The following ANK2 variants were observed in gnomAD, a reference collection of about 807,000 sequenced individuals.
ANK2 encodes ankyrin 2.
ANK2 carries 83 observed loss-of-function variants against 360.5 expected under a neutral mutation model. The ratio of observed to expected loss-of-function variants is 0.23; its 90% CI spans 0.19 to 0.28. The LOEUF (loss-of-function observed/expected upper bound fraction) is 0.28. ANK2 is among the 10% of genes least tolerant of loss of function. ANK2 has a pLI of 1.00. For synonymous variants in ANK2, 1,740 were observed against 1,759.5 expected, an observed-to-expected ratio of 0.99 and a Z score of 0.28; for missense variants, 4,201 against 4,795.7, an observed-to-expected ratio of 0.88 and a Z score of 3.66.
At chr4:113,042,188 T>C (rs1336516281) in intron 2 of ANK2, among the ~76,000 whole-genome samples, 5 of 152,152 alleles carry the variant, frequency 3.3e-5, no homozygotes, top group Non-Finnish European at 7.4e-5. Flanking sequence ...CTCTGCCTTC[T>C]TCAGTTGGCA....
chr4:113,266,438 T>A (rs548345940), intron 14 of ANK2, among the ~76,000 whole-genome samples: 2 of 152,228 alleles, frequency 1.3e-5, no homozygotes, highest in Non-Finnish European at 2.9e-5. Flanking sequence ...GTCTTTATAG[T>A]AGAATGGCTT....
At position 113,355,536 on chromosome 4, in the gene ANK2, T is replaced by C; in HGVS notation, c.6918T>C (p.Ser2306=). The C allele has an allele frequency of 1.2e-6, 2 of 1,613,518 alleles. No homozygotes were observed. The highest frequency in any genetic ancestry group is 1.7e-6 in the Non-Finnish European group (2 of 1,179,852). The stretch of plus-strand genomic sequence containing the variant: ...AGGACTCAGAGACCTCTACTGAGAG[T>C]TTTCAGAAAGAGGCCACTCTAGGCT... ...VTEDSETSTE[S]FQKEATLGSP... The change falls in exon 38 of 46, where the codon AGT becomes AGC. Residue 2306 remains serine (S), a synonymous_variant. Coordinates refer to ENST00000357077, the MANE Select transcript of ANK2 (RefSeq NM_001148.6).
At chr4:113,250,635 A>T (rs1385391204) in intron 10 of ANK2, among the ~76,000 whole-genome samples, 7 of 152,074 alleles carry the variant, frequency 4.6e-5, no homozygotes, top group Non-Finnish European at 4.4e-5. Flanking sequence ...CGAATTGGAG[A>T]TACTCATACA....
chr4:113,177,972 C>T (rs753809171), intron 2 of ANK2, among the ~76,000 whole-genome samples: 9 of 152,184 alleles, frequency 5.9e-5, no homozygotes, highest in Non-Finnish European at 1.0e-4. Context: ...TTCTAAGGTA[C>T]ATGTGTTCTA....
intron 1 of ANK2, among the ~76,000 whole-genome samples, chr4:113,086,611 G>A (rs923366974): frequency 3.3e-5 from 5 of 152,136 alleles, no homozygotes; most frequent in African/African-American, 1.2e-4. Flanking sequence ...GGTAGATAAT[G>A]TCAAGTGGCA....
chr4:113,204,385 T>TA (rs2098913010), intron 4 of ANK2, among the ~76,000 whole-genome samples: 1 of 152,178 alleles, frequency 6.6e-6, no homozygotes, highest in Non-Finnish European at 1.5e-5. Flanking sequence ...ATGACTTTTT[T>TA]ATAGAAGAAG....
chr4:113,186,090 C>T (rs984542835), intron 2 of ANK2, among the ~76,000 whole-genome samples: 2 of 152,176 alleles, frequency 1.3e-5, no homozygotes, highest in Non-Finnish European at 2.9e-5. Flanking sequence ...TCCCTGACTC[C>T]CATGCCTCTT....
Position 113,369,533 on chromosome 4 carries a change from G to A in ANK2, c.11338G>A (p.Glu3780Lys). 1 of 1,614,034 alleles carries A rather than the reference G, an allele frequency of 6.2e-7. No individual in the cohort carries two copies. Among genetic ancestry groups the A allele is most frequent in the Non-Finnish European group, 8.5e-7 (1 of 1,180,020 alleles). The change falls in exon 43 of 46, where the codon GAA (glutamate) becomes AAA (lysine). Residue 3780 changes from glutamate to lysine, a missense_variant. Transcript: ENST00000357077. ...QEYFVTTPGT[E>K]TSETQKAMIV... The stretch of plus-strand genomic sequence containing the variant: ...TTCCAGTGTGACAACTCCAGGAACA[G>A]AAACATCAGAGACTCAGAAGGCTAT...
chr4:112,842,203 T>G (rs1005481912), intron 1 of ANK2, among the ~76,000 whole-genome samples: 12 of 152,200 alleles, frequency 7.9e-5, no homozygotes, highest in African/African-American at 2.6e-4. Context: ...GAGATGGGGG[T>G]TTCACCATGT....
the ANK2 span, among the ~76,000 whole-genome samples, chr4:112,734,718 A>C: frequency 6.6e-6 from 1 of 152,340 alleles, no homozygotes; most frequent in East Asian, 1.9e-4. Flanking sequence ...CTTATTTTTA[A>C]AACAGAAATA....
At chr4:112,735,833 T>C in the ANK2 span, among the ~76,000 whole-genome samples, 2 of 152,296 alleles carry the variant, frequency 1.3e-5, no homozygotes, top group Admixed American at 1.3e-4. Flanking sequence ...ACTGAACAGC[T>C]CTCCATTTCC....
At chr4:112,734,662 C>T in the ANK2 span, among the ~76,000 whole-genome samples, 2 of 152,234 alleles carry the variant, frequency 1.3e-5, no homozygotes, top group South Asian at 4.2e-4. Context: ...CGTATAATAA[C>T]AATTTATATC....
chr4:112,847,634 C>T (rs1451321456), intron 1 of ANK2, among the ~76,000 whole-genome samples: 1 of 152,080 alleles, frequency 6.6e-6, no homozygotes, highest in East Asian at 1.9e-4. Flanking sequence ...TTCCATTTGC[C>T]ACTGTGTATC....
chr4:112,978,100 C>T (rs1406680102), intron 2 of ANK2, among the ~76,000 whole-genome samples: 6 of 151,938 alleles, frequency 3.9e-5, no homozygotes, highest in Admixed American at 6.6e-5. Flanking sequence ...AAAAATTAGC[C>T]GGGTATGGTG....
At chr4:112,820,368 G>A (rs2056651180) in intron 1 of ANK2, among the ~76,000 whole-genome samples, 1 of 152,222 alleles carries the variant, frequency 6.6e-6, no homozygotes, top group Non-Finnish European at 1.5e-5. Flanking sequence ...GCTGGTCAGA[G>A]TTACACATCT....
chr4:112,762,765 C>T, the ANK2 span, among the ~76,000 whole-genome samples: 1 of 152,238 alleles, frequency 6.6e-6, no homozygotes, highest in Non-Finnish European at 1.5e-5. Flanking sequence ...CCGCCTTGGC[C>T]TCCCAAAGTG....
At chr4:112,909,926 C>G (rs2086540315) in intron 2 of ANK2, among the ~76,000 whole-genome samples, 1 of 152,060 alleles carries the variant, frequency 6.6e-6, no homozygotes, top group Non-Finnish European at 1.5e-5. Context: ...TCTAGAAATG[C>G]TAGTAATTCT....
At chr4:113,256,019 G>T in intron 11 of ANK2, 87 bp downstream of exon 11, 1 of 1,458,726 alleles carries the variant, frequency 6.9e-7, no homozygotes, top group Non-Finnish European at 9.5e-7. Flanking sequence ...CACCAGCAAT[G>T]CAAGGTTACA....
intron 1 of ANK2, among the ~76,000 whole-genome samples, chr4:113,111,126 T>C (rs929783321): frequency 1.3e-5 from 2 of 152,174 alleles, no homozygotes; most frequent in African/African-American, 4.8e-5. Context: ...AAATTTAAGA[T>C]ACACATGGCT....
Sources: gnomAD v4.1 joint callset for allele counts (sites outside exome capture counted in the v4.1 genomes callset) on GRCh38, gnomAD v4.1.1 for gene constraint, MANE v1.5 for transcripts, NCBI Gene and HGNC (gene_info 2026-07-23, HGNC 2026-07-21) for gene names.